EPHA3: variants seen among roughly 807,000 people sequenced by gnomAD.
EPHA3 encodes the protein ephrin type-A receptor 3.
Under a neutral mutation model 107.1 loss-of-function variants are expected in EPHA3, and 42 were observed. The ratio of observed to expected loss-of-function variants is 0.39; its 90% CI spans 0.31 to 0.51. The LOEUF (loss-of-function observed/expected upper bound fraction) is 0.51. Among genes scored for constraint, EPHA3 ranks in the 20% least tolerant of loss-of-function variants. EPHA3 has a pLI of 0.78. For missense variants in EPHA3, 1,183 were observed against 1,211.2 expected, an observed-to-expected ratio of 0.98 and a Z score of 0.35; for synonymous variants, 461 against 424.8, an observed-to-expected ratio of 1.09 and a Z score of -1.05.
At chr3:89,282,815 T>G (rs1705981948) in intron 3 of EPHA3, among the ~76,000 whole-genome samples, 1 of 152,046 alleles carries the variant, frequency 6.6e-6, no homozygotes, top group Admixed American at 6.6e-5. Context: ...AAAACTGAAA[T>G]GTGTTATGAC....
chr3:89,150,539 A>G (rs1312950167), intron 2 of EPHA3, among the ~76,000 whole-genome samples: 1 of 152,036 alleles, frequency 6.6e-6, no homozygotes, highest in Non-Finnish European at 1.5e-5. Context: ...TTTTATGACC[A>G]ATAGTGATTT....
chr3:89,111,902 C>T (rs117274663), intron 1 of EPHA3, among the ~76,000 whole-genome samples: 1 of 152,158 alleles, frequency 6.6e-6, no homozygotes, highest in East Asian at 1.9e-4. Context: ...TTAGATATTA[C>T]ATCTTCTAGT....
intron 16 of EPHA3, among the ~76,000 whole-genome samples, chr3:89,477,651 G>A (rs1356877781): frequency 6.6e-6 from 1 of 151,930 alleles, no homozygotes; most frequent in African/African-American, 2.4e-5. Context: ...GTGTTCACAC[G>A]TGTTCTTTTT....
intron 5 of EPHA3, among the ~76,000 whole-genome samples, chr3:89,354,876 A>T (rs565408754): frequency 4.0e-5 from 6 of 151,160 alleles, no homozygotes; most frequent in Admixed American, 1.3e-4. Context: ...GCTTTGCACA[A>T]AATCTAAGTA....
At chr3:89,413,328 T>G in intron 10 of EPHA3, 62 bp downstream of exon 10, 1 of 1,593,226 alleles carries the variant, frequency 6.3e-7, no homozygotes, top group South Asian at 1.1e-5. Context: ...GCTCAGTCTC[T>G]GAAACCTAAG....
Position 89,190,423 on chromosome 3 carries a change from A to C in EPHA3, c.154-19437A>C, listed in dbSNP as rs192732370. Among the ~76,000 whole-genome samples, 610 of 152,270 alleles carry C rather than the reference A, an allele frequency of 4.0e-3. 5 individuals carry two copies. The highest frequency in any genetic ancestry group is 0.012 in the African/African-American group (485 of 41,548). On this transcript the variant is annotated intron_variant, in intron 2 of 16. Coordinates refer to ENST00000336596, the MANE Select transcript of EPHA3 (RefSeq NM_005233.6). The stretch of plus-strand genomic sequence containing the variant: ...GTAACCAATTAACCAATTACCTATA[A>C]ACATAGGCTTTATTTTAATATTAAA...
At chr3:89,235,176 C>T (rs1213269553) in intron 3 of EPHA3, among the ~76,000 whole-genome samples, 1 of 151,858 alleles carries the variant, frequency 6.6e-6, no homozygotes, top group Non-Finnish European at 1.5e-5. Flanking sequence ...CCCACCTCGA[C>T]GTCCCAAAGT....
chr3:89,339,244 G>C (rs1265282268), intron 3 of EPHA3, among the ~76,000 whole-genome samples: 8 of 151,950 alleles, frequency 5.3e-5, no homozygotes, highest in Non-Finnish European at 1.0e-4. Context: ...GGTGGCGCAC[G>C]CCTGTAATCC....
At position 89,219,465 on chromosome 3, in the gene EPHA3, C is replaced by T. The variant is rs150981146; in HGVS notation, c.814+8945C>T. ...GGCATGAGCCTCCGTGCCCTGCCCCCCACAACAATTTATGAGTGTCTGCTA... is the reference window on the plus strand; with the variant it reads ...GGCATGAGCCTCCGTGCCCTGCCCCTCACAACAATTTATGAGTGTCTGCTA... On this transcript the variant is annotated intron_variant, in intron 3 of 16. Transcript: ENST00000336596. 2.7e-3 allele frequency among the ~76,000 whole-genome samples: 402 copies of T among 151,288 alleles called. 2 individuals carry two copies. The highest frequency in any genetic ancestry group is 9.1e-3 in the African/African-American group (375 of 41,308).
In EPHA3 at chr3:89,177,024, G is replaced by T. The variant is rs538957782; in HGVS notation, c.154-32836G>T. 2.5e-4 allele frequency among the ~76,000 whole-genome samples: 38 copies of T among 151,922 alleles called. 1 individual carries two copies. The highest frequency in any genetic ancestry group is 7.2e-4 in the African/African-American group (30 of 41,430). On this transcript the variant is annotated intron_variant, in intron 2 of 16. Transcript: ENST00000336596. ...GGTTTTCTTAGACATTGACTAATTT[G>T]CAAAACCAAACGCTTACTTATATGT...
chr3:89,476,749 A>G (rs1710520862), intron 16 of EPHA3, among the ~76,000 whole-genome samples: 1 of 151,528 alleles, frequency 6.6e-6, no homozygotes. Flanking sequence ...CTGGGAGTAC[A>G]GGCGCCCGCC....
rs58910915 is a variant in EPHA3 at position 89,391,382 on chromosome 3, TTTTTC to T, written c.1307-4426_1307-4422del. 3.2e-3 allele frequency among the ~76,000 whole-genome samples: 440 copies of T among 138,418 alleles called. 1 individual carries two copies. The highest frequency in any genetic ancestry group is 7.1e-3 in the Admixed American group (96 of 13,536). The allele number at this position is 138,418 out of a possible 152,430, so 90.8% of individuals were successfully genotyped here. On this transcript the variant is annotated intron_variant, in intron 5 of 16. Coordinates refer to ENST00000336596, the MANE Select transcript of EPHA3 (RefSeq NM_005233.6). ...TATTTTTTTCTCCTTTATTTGTATT[TTTTTC>T]TTTTCTTTTCTTTTCTTTTCTTTTC...
At chr3:89,213,454 C>A (rs891624139) in intron 3 of EPHA3, among the ~76,000 whole-genome samples, 1 of 151,936 alleles carries the variant, frequency 6.6e-6, no homozygotes, top group Non-Finnish European at 1.5e-5. Flanking sequence ...TTTCAGAATG[C>A]ATTGCAAATA....
At chr3:89,115,325 T>A (rs1278262300) in intron 1 of EPHA3, among the ~76,000 whole-genome samples, 1 of 152,074 alleles carries the variant, frequency 6.6e-6, no homozygotes, top group Non-Finnish European at 1.5e-5. Flanking sequence ...GCTGAGGGGA[T>A]GTCAGTAAAC....
At chr3:89,112,324 C>T (rs1479649886) in intron 1 of EPHA3, among the ~76,000 whole-genome samples, 3 of 151,830 alleles carry the variant, frequency 2.0e-5, no homozygotes, top group Admixed American at 6.6e-5. Flanking sequence ...ATGGTTGGCT[C>T]GTTGGTCATA....
At chr3:89,181,554 G>A (rs538517242) in intron 2 of EPHA3, among the ~76,000 whole-genome samples, 26 of 152,088 alleles carry the variant, frequency 1.7e-4, no homozygotes, top group South Asian at 2.1e-4. Context: ...GGAGATGGTA[G>A]TGGAGAGAGA....
chr3:89,312,910 TA>T (rs1706800020), intron 3 of EPHA3, among the ~76,000 whole-genome samples: 1 of 152,026 alleles, frequency 6.6e-6, no homozygotes, highest in Non-Finnish European at 1.5e-5. Flanking sequence ...GTAAAGGACA[TA>T]ATCTTGTTAT....
At chr3:89,144,005 G>C (rs757796031) in intron 2 of EPHA3, among the ~76,000 whole-genome samples, 2 of 151,500 alleles carry the variant, frequency 1.3e-5, no homozygotes, top group Non-Finnish European at 3.0e-5. Context: ...TACCCCCACA[G>C]TTTCCTCCAT....
At chr3:89,147,424 G>T (rs1704586672) in intron 2 of EPHA3, among the ~76,000 whole-genome samples, 1 of 151,920 alleles carries the variant, frequency 6.6e-6, no homozygotes, top group African/African-American at 2.4e-5. Flanking sequence ...TTGCTAAGAT[G>T]TATGGTAAGA....
Sources: gnomAD v4.1 joint callset for allele counts (sites outside exome capture counted in the v4.1 genomes callset) on GRCh38, gnomAD v4.1.1 for gene constraint, MANE v1.5 for transcripts, NCBI Gene and HGNC (gene_info 2026-07-23, HGNC 2026-07-21) for gene names.